Variants in S100A8 observed in about 807,000 individuals in gnomAD.
The protein encoded by S100A8 is S100 calcium binding protein A8.
Under a neutral mutation model 4.2 loss-of-function variants are expected in S100A8, and 1 was observed. The observed-to-expected ratio is 0.24, with a 90% confidence interval of 0.08 to 1.12. The LOEUF is 1.12. Ranked by LOEUF, S100A8 falls within the 50% of genes most tolerant of loss-of-function variation. S100A8 has a pLI of 0.53. For synonymous variants in S100A8, 41 were observed against 44.7 expected, an observed-to-expected ratio of 0.92 and a Z score of 0.33; for missense variants, 96 against 111.8, an observed-to-expected ratio of 0.86 and a Z score of 0.64.
the S100A8 span, among the ~76,000 whole-genome samples, chr1:153,397,619 G>A: frequency 6.6e-6 from 1 of 152,144 alleles, no homozygotes; most frequent in Non-Finnish European, 1.5e-5. Flanking sequence ...GGGTGAGGCA[G>A]CTTTCAGCAA....
the S100A8 span, among the ~76,000 whole-genome samples, chr1:153,409,365 A>C: frequency 6.6e-6 from 1 of 152,142 alleles, no homozygotes; most frequent in African/African-American, 2.4e-5. Context: ...CCAACAAAGA[A>C]CAGACGCGAC....
chr1:153,411,622 A>G, the S100A8 span, among the ~76,000 whole-genome samples: 81 of 152,326 alleles, frequency 5.3e-4, 1 homozygote, highest in South Asian at 0.012. Flanking sequence ...CAGAATTGGG[A>G]AAAAACTACT....
chr1:153,391,470 C>T (rs936997589), upstream of S100A8, among the ~76,000 whole-genome samples: 3 of 152,152 alleles, frequency 2.0e-5, no homozygotes, highest in African/African-American at 7.2e-5. Flanking sequence ...AGTGCATGCA[C>T]TCAGTGAGAA....
the S100A8 span, among the ~76,000 whole-genome samples, chr1:153,412,065 AG>A: frequency 6.6e-6 from 1 of 152,240 alleles, no homozygotes; most frequent in Non-Finnish European, 1.5e-5. Flanking sequence ...TTCAGGACAT[AG>A]GCATGGGCAA....
chr1:153,403,780 T>C, the S100A8 span, among the ~76,000 whole-genome samples: 2 of 152,174 alleles, frequency 1.3e-5, no homozygotes, highest in Admixed American at 1.3e-4. Context: ...GTGGGGGTTA[T>C]ATTTCCTTTT....
upstream of S100A8, among the ~76,000 whole-genome samples, chr1:153,395,377 C>T (rs1662191390): frequency 6.6e-6 from 1 of 152,188 alleles, no homozygotes; most frequent in Admixed American, 6.5e-5. Flanking sequence ...TGCAGACTGG[C>T]TCCCACCCAG....
chr1:153,404,792 T>C, the S100A8 span, among the ~76,000 whole-genome samples: 3 of 152,130 alleles, frequency 2.0e-5, no homozygotes, highest in African/African-American at 7.2e-5. Context: ...GGTGAAGATC[T>C]CTTTTTTTAA....
the S100A8 span, chr1:153,417,871 G>C: frequency 1.6e-6 from 1 of 614,264 alleles, no homozygotes; most frequent in Admixed American, 3.2e-5. Flanking sequence ...GCCCTGGCCA[G>C]GATGGGCCGG....
chr1:153,403,075 A>G, the S100A8 span, among the ~76,000 whole-genome samples: 4 of 152,270 alleles, frequency 2.6e-5, no homozygotes, highest in African/African-American at 4.8e-5. Flanking sequence ...CCACACAAGC[A>G]GACAAAATGA....
the S100A8 span, among the ~76,000 whole-genome samples, chr1:153,402,081 G>C: frequency 6.6e-6 from 1 of 152,164 alleles, no homozygotes; most frequent in Non-Finnish European, 1.5e-5. Context: ...GTACATTATT[G>C]CCGTGTAGAG....
At chr1:153,403,448 A>G in the S100A8 span, among the ~76,000 whole-genome samples, 1 of 152,154 alleles carries the variant, frequency 6.6e-6, no homozygotes, top group Non-Finnish European at 1.5e-5. Context: ...ACCTATGTAA[A>G]GATATCTTCT....
chr1:153,407,330 T>C, the S100A8 span, among the ~76,000 whole-genome samples: 15 of 152,244 alleles, frequency 9.9e-5, no homozygotes, highest in Admixed American at 2.0e-4. Flanking sequence ...ATCCCGTGCC[T>C]GGCTCGGACA....
chr1:153,399,420 C>A, the S100A8 span, among the ~76,000 whole-genome samples: 1 of 152,134 alleles, frequency 6.6e-6, no homozygotes, highest in South Asian at 2.1e-4. Flanking sequence ...TGTCTCCCTG[C>A]CTCAGAGCTT....
the S100A8 span, among the ~76,000 whole-genome samples, chr1:153,403,462 T>C: frequency 6.6e-6 from 1 of 152,204 alleles, no homozygotes. Context: ...ATCTTCTCTC[T>C]GCTCTACCTC....
At chr1:153,400,498 G>A in the S100A8 span, among the ~76,000 whole-genome samples, 8 of 152,148 alleles carry the variant, frequency 5.3e-5, no homozygotes, top group Non-Finnish European at 8.8e-5. Context: ...AGAATGGGGC[G>A]CCAAAGGGCA....
At chr1:153,410,401 A>G in the S100A8 span, among the ~76,000 whole-genome samples, 1 of 152,230 alleles carries the variant, frequency 6.6e-6, no homozygotes, top group African/African-American at 2.4e-5. Flanking sequence ...AAATTCCTGG[A>G]CACATACACC....
chr1:153,419,298 G>A, the S100A8 span: 392 of 1,614,048 alleles, frequency 2.4e-4, 2 homozygotes, highest in South Asian at 4.0e-3. Flanking sequence ...CTGTTCTGGG[G>A]GAAGCCAGTG....
At chr1:153,398,183 C>G in the S100A8 span, among the ~76,000 whole-genome samples, 22,429 of 152,120 alleles carry the variant, frequency 0.15, 1,947 homozygotes, top group African/African-American at 0.24. Context: ...CATGGATAGA[C>G]AGCAGCACCC....
At chr1:153,396,944 ATAGTTGGTGCCCC>A in the S100A8 span, among the ~76,000 whole-genome samples, 6 of 152,222 alleles carry the variant, frequency 3.9e-5, no homozygotes, top group Non-Finnish European at 8.8e-5. Flanking sequence ...AGACAGGGGC[ATAGTTGGTGCCCC>A]TAGTTGGTGC....
Sources: gnomAD v4.1 joint callset for allele counts (sites outside exome capture counted in the v4.1 genomes callset) on GRCh38, gnomAD v4.1.1 for gene constraint, MANE v1.5 for transcripts, NCBI Gene and HGNC (gene_info 2026-07-23, HGNC 2026-07-21) for gene names.